Variants in CYSRT1 observed in about 807,000 individuals in gnomAD.
The protein encoded by CYSRT1 is cysteine-rich tail protein 1.
A neutral mutation model predicts 6.2 loss-of-function variants in CYSRT1; 7 were observed. The observed-to-expected ratio is 1.13, with a 90% CI of 0.64 to 2.13. The LOEUF (loss-of-function observed/expected upper bound fraction) is 2.13. CYSRT1 is among the 30% of genes most tolerant of loss of function. The pLI, the probability that CYSRT1 is intolerant of heterozygous loss-of-function variation, is 0.00. For synonymous variants in CYSRT1, 75 were observed against 83.1 expected (o/e 0.90, Z 0.53); for missense variants, 188 against 196.4 (o/e 0.96, Z 0.26).
In CYSRT1 at chr9:137,225,210, C is replaced by A; in HGVS notation, c.-32C>A. The A allele has an allele frequency of 6.5e-7, 1 of 1,550,340 alleles. No individual in the cohort carries two copies. The highest frequency in any genetic ancestry group is 8.7e-7 in the Non-Finnish European group (1 of 1,146,856). On this transcript the variant is annotated 5_prime_UTR_variant, in exon 1 of 2. Coordinates refer to ENST00000650725, the MANE Select transcript of CYSRT1 (RefSeq NM_199001.5). ...CCTAGAGCTCAGAAGACCGAGAGGA[C>A]AGACTGCCGTGTTGCCACCACAGGT...
In CYSRT1 at chr9:137,226,089, C is replaced by T; in HGVS notation, c.*33C>T. 2 of 1,535,226 alleles carry T rather than the reference C, an allele frequency of 1.3e-6. No homozygotes were observed. The highest frequency in any genetic ancestry group is 1.2e-5 in the South Asian group (1 of 83,370). On this transcript the variant is annotated 3_prime_UTR_variant, in exon 2 of 2. Transcript: ENST00000650725. ...CACCCTGCCAGGGCCAGGACCCAGACTTCAGCAAATGTGGCTCACACAGTG... is the reference window on the plus strand; with the variant it reads ...CACCCTGCCAGGGCCAGGACCCAGATTTCAGCAAATGTGGCTCACACAGTG...
At position 137,225,947 on chromosome 9, in the gene CYSRT1, G is replaced by A. The variant is rs1383886638; in HGVS notation, c.326G>A (p.Gly109Glu). ...ACCTACGCTGGCCCTCCGCCCGCGG[G>A]GCGCGGGGATGACATCGCCCACCAC... ...GLTYAGPPPA[G>E]RGDDIAHHCC... The change falls in exon 2 of 2, where the codon GGG becomes GAG. Residue 109 changes from glycine to glutamate, a missense_variant. Transcript: ENST00000650725. 6.5e-7 allele frequency: 1 copy of A among 1,547,908 alleles called. No homozygotes were observed. The highest frequency in any genetic ancestry group is 1.4e-5 in the African/African-American group (1 of 73,040).
In CYSRT1 at chr9:137,225,915, C is replaced by T. The variant is rs1835962869; in HGVS notation, c.294C>T (p.Ala98=). 15 of 1,546,030 alleles carry T rather than the reference C, an allele frequency of 9.7e-6. No homozygotes were observed. Among genetic ancestry groups the T allele is most frequent in the Middle Eastern group, 1.7e-4 (1 of 5,994 alleles). The change falls in exon 2 of 2, where the codon GCC becomes GCT. Residue 98 remains alanine, a synonymous_variant. Transcript: ENST00000650725. The part of the protein sequence containing the change: ...GNPYSSSQRQ[A]GLTYAGPPPA... ...CCTACAGCAGCAGTCAGCGCCAGGC[C>T]GGACTGACCTACGCTGGCCCTCCGC...
At position 137,225,943 on chromosome 9, in the gene CYSRT1, G is replaced by C; in HGVS notation, c.322G>C (p.Ala108Pro). 1.3e-6 allele frequency: 2 copies of C among 1,547,748 alleles called. No homozygotes were observed. Among genetic ancestry groups the C allele is most frequent in the Non-Finnish European group, 1.7e-6 (2 of 1,146,448 alleles). The change falls in exon 2 of 2, where the codon GCG becomes CCG. Residue 108 changes from alanine to proline, a missense_variant. Transcript: ENST00000650725. ...AGLTYAGPPP[A>P]GRGDDIAHHC... ...ACTGACCTACGCTGGCCCTCCGCCC[G>C]CGGGGCGCGGGGATGACATCGCCCA... is the stretch of plus-strand genomic sequence containing the variant.
In CYSRT1 at chr9:137,225,183, G is replaced by C; in HGVS notation, c.-59G>C. On this transcript the variant is annotated 5_prime_UTR_variant, in exon 1 of 2. Coordinates refer to ENST00000650725, the MANE Select transcript of CYSRT1 (RefSeq NM_199001.5). ...GCCAGTCGCTCAACTCAGGCACTGG[G>C]ACCTAGAGCTCAGAAGACCGAGAGG... 6.4e-7 allele frequency: 1 copy of C among 1,550,422 alleles called. No homozygotes were observed. The highest frequency in any genetic ancestry group is 1.2e-5 in the South Asian group (1 of 84,064).
chr9:137,225,357 G>C, intron 1 of CYSRT1, 124 bp downstream of exon 1: 1 of 1,123,102 alleles, frequency 8.9e-7, no homozygotes, highest in Non-Finnish European at 1.3e-6. Flanking sequence ...ATGCCACCAG[G>C]GGAGGGGGAG....
In CYSRT1 at chr9:137,225,240, C is replaced by T; in HGVS notation, c.-9+7C>T. 4.5e-6 allele frequency: 7 copies of T among 1,546,796 alleles called. No homozygotes were observed. The highest frequency in any genetic ancestry group is 6.1e-6 in the Non-Finnish European group (7 of 1,143,660). ...TGCCGTGTTGCCACCACAGGTAAGC[C>T]CTTGGCCGCCGGGACTGCCCTGAAC... On this transcript the variant is annotated splice_region_variant and intron_variant, in intron 1 of 1. Coordinates refer to ENST00000650725, the MANE Select transcript of CYSRT1 (RefSeq NM_199001.5).
Position 137,225,674 on chromosome 9 carries a change from C to T in CYSRT1, c.53C>T (p.Pro18Leu). The change falls in exon 2 of 2, where the codon CCC (proline) becomes CTC (leucine). Residue 18 changes from proline (P) to leucine (L), a missense_variant. By Grantham distance (98) the Pro-to-Leu change is moderately conservative. Coordinates refer to ENST00000650725, the MANE Select transcript of CYSRT1 (RefSeq NM_199001.5). The stretch of plus-strand genomic sequence containing the variant: ...AACCCATATGCCCACATCAGCATCC[C>T]CCGGGCTCACCTGCGGCCTGACCTG... ...VKNPYAHISIPRAHLRPDLGQ... is the reference protein window; with the variant it reads ...VKNPYAHISILRAHLRPDLGQ... The T allele has an allele frequency of 6.4e-7, 1 of 1,550,464 alleles. No individual in the cohort carries two copies.
rs1835957780 is a variant in CYSRT1 at position 137,225,766 on chromosome 9, C to T, written c.145C>T (p.Pro49Ser). The change falls in exon 2 of 2, where the codon CCC becomes TCC. Residue 49 changes from proline (P) to serine (S), a missense_variant. By Grantham distance (74) the Pro-to-Ser change is moderately conservative (BLOSUM62 -1). Coordinates refer to ENST00000650725, the MANE Select transcript of CYSRT1 (RefSeq NM_199001.5). Reference protein sequence around the residue: ...SSEMQPLPVGPCAPEPTHLLQ... With the variant: ...SSEMQPLPVGSCAPEPTHLLQ... ...GGAGATGCAGCCCCTGCCAGTGGGG[C>T]CCTGTGCCCCAGAGCCAACCCACCT... The T allele has an allele frequency of 1.3e-6, 2 of 1,549,810 alleles. No homozygotes were observed. Among genetic ancestry groups the T allele is most frequent in the African/African-American group, 1.4e-5 (1 of 72,998 alleles).
chr9:137,226,203 GT>G lies in CYSRT1; in HGVS notation c.*148del, dbSNP rs1835973429. 1.4e-6 allele frequency: 2 copies of G among 1,419,444 alleles called. No homozygotes were observed. The highest frequency in any genetic ancestry group is 5.2e-5 in the East Asian group (2 of 38,674). The allele number at this position is 1,419,444 out of a possible 1,614,324, so 87.9% of individuals were successfully genotyped here. ...ACTGGGGCTCAGACCCACCAGGAAG[GT>G]GGCCGTTCAGCCCGAGCTCCTGAAA... On this transcript the variant is annotated 3_prime_UTR_variant, in exon 2 of 2. Coordinates refer to ENST00000650725, the MANE Select transcript of CYSRT1 (RefSeq NM_199001.5).
At position 137,225,919 on chromosome 9, in the gene CYSRT1, C is replaced by A; in HGVS notation, c.298C>A (p.Leu100Met). 2.6e-6 allele frequency: 4 copies of A among 1,546,320 alleles called. No homozygotes were observed. Among genetic ancestry groups the A allele is most frequent in the Non-Finnish European group, 3.5e-6 (4 of 1,146,448 alleles). The change falls in exon 2 of 2, where the codon CTG becomes ATG. Residue 100 changes from leucine (L) to methionine (M), a missense_variant. By Grantham distance (15) the Leu-to-Met change is conservative. Coordinates refer to ENST00000650725, the MANE Select transcript of CYSRT1 (RefSeq NM_199001.5). The part of the protein sequence containing the change: ...PYSSSQRQAG[L>M]TYAGPPPAGR... ...CAGCAGCAGTCAGCGCCAGGCCGGA[C>A]TGACCTACGCTGGCCCTCCGCCCGC... is the stretch of plus-strand genomic sequence containing the variant.
rs1338396367 is a variant in CYSRT1 at position 137,225,278 on chromosome 9, C to A, written c.-9+45C>A. On this transcript the variant is annotated intron_variant, in intron 1 of 1. Coordinates refer to ENST00000650725, the MANE Select transcript of CYSRT1 (RefSeq NM_199001.5). The stretch of plus-strand genomic sequence containing the variant: ...GACTGCCCTGAACTCAGGGGCACTG[C>A]AGGGTCAGCCCCCTTCTCTCCCATC... The A allele has an allele frequency of 3.5e-6, 5 of 1,436,544 alleles. No homozygotes were observed. The African/African-American group carries it at 7.1e-5, about 20-fold the overall frequency. The allele number at this position is 1,436,544 out of a possible 1,614,324, so 89.0% of individuals were successfully genotyped here.
At chr9:137,225,566 A>G (rs1406331820) in intron 1 of CYSRT1, 48 bp from the exon 2 acceptor site, 4 of 1,498,716 alleles carry the variant, frequency 2.7e-6, no homozygotes, top group Non-Finnish European at 3.6e-6. Flanking sequence ...GTGGGCAGCC[A>G]TCCCACTCCA....
At position 137,226,146 on chromosome 9, in the gene CYSRT1, T is replaced by C; in HGVS notation, c.*90T>C. On this transcript the variant is annotated 3_prime_UTR_variant, in exon 2 of 2. Coordinates refer to ENST00000650725, the MANE Select transcript of CYSRT1 (RefSeq NM_199001.5). ...CATGCCGGGACATGCGGGGTGGCTGTTGTCATGGGCGTCTGCCCCTTCACA... is the reference window on the plus strand; with the variant it reads ...CATGCCGGGACATGCGGGGTGGCTGCTGTCATGGGCGTCTGCCCCTTCACA... The C allele has an allele frequency of 1.3e-6, 2 of 1,489,084 alleles. No homozygotes were observed. The highest frequency in any genetic ancestry group is 1.8e-6 in the Non-Finnish European group (2 of 1,109,232). 92.2% of individuals were successfully genotyped at this position (1,489,084 alleles called of 1,614,324 possible). A position where few individuals can be genotyped will look rare whatever the true frequency, so the allele number is the denominator to read the frequency against.
In CYSRT1 at chr9:137,226,071, C is replaced by T. The variant is rs1177219478; in HGVS notation, c.*15C>T. 6.5e-7 allele frequency: 1 copy of T among 1,542,790 alleles called. No individual in the cohort carries two copies. Among genetic ancestry groups the T allele is most frequent in the Non-Finnish European group, 8.8e-7 (1 of 1,142,432 alleles). Reference sequence around the variant, plus strand: ...TCATCTCCTAGCCCAGCCCACCCTGCCAGGGCCAGGACCCAGACTTCAGCA... The same window carrying T: ...TCATCTCCTAGCCCAGCCCACCCTGTCAGGGCCAGGACCCAGACTTCAGCA... On this transcript the variant is annotated 3_prime_UTR_variant, in exon 2 of 2. Coordinates refer to ENST00000650725, the MANE Select transcript of CYSRT1 (RefSeq NM_199001.5).
chr9:137,225,787 C>T lies in CYSRT1; in HGVS notation c.166C>T (p.His56Tyr), dbSNP rs1564410047. 8 of 1,549,750 alleles carry T rather than the reference C, an allele frequency of 5.2e-6. No homozygotes were observed. Among genetic ancestry groups the T allele is most frequent in the Admixed American group, 2.0e-5 (1 of 50,972 alleles). ...GGGGCCCTGTGCCCCAGAGCCAACC[C>T]ACCTCTTGCAGCCGACCGAGGTCCC... ...PVGPCAPEPT[H>Y]LLQPTEVPGP... Residue 56 changes from histidine to tyrosine, a missense_variant, in exon 2 of 2, where the codon CAC (histidine) becomes TAC (tyrosine). Transcript: ENST00000650725.
In CYSRT1 at chr9:137,225,177, C is replaced by T; in HGVS notation, c.-65C>T. The T allele has an allele frequency of 1.3e-6, 2 of 1,550,470 alleles. No individual in the cohort carries two copies. Among genetic ancestry groups the T allele is most frequent in the Non-Finnish European group, 1.7e-6 (2 of 1,146,956 alleles). ...GCGGCTGCCAGTCGCTCAACTCAGGCACTGGGACCTAGAGCTCAGAAGACC... is the reference window on the plus strand; with the variant it reads ...GCGGCTGCCAGTCGCTCAACTCAGGTACTGGGACCTAGAGCTCAGAAGACC... On this transcript the variant is annotated 5_prime_UTR_variant, in exon 1 of 2. Transcript: ENST00000650725.
At chr9:137,225,566 A>C (rs1406331820) in intron 1 of CYSRT1, 48 bp from the exon 2 acceptor site, 1 of 1,498,716 alleles carries the variant, frequency 6.7e-7, no homozygotes, top group South Asian at 1.3e-5. Flanking sequence ...GTGGGCAGCC[A>C]TCCCACTCCA....
chr9:137,225,287 C>T, intron 1 of CYSRT1, 54 bp downstream of exon 1: 1 of 1,395,976 alleles, frequency 7.2e-7, no homozygotes, highest in South Asian at 1.2e-5. Flanking sequence ...GCAGGGTCAG[C>T]CCCCTTCTCT....
Sources: allele counts gnomAD v4.1 joint callset, GRCh38; gene constraint gnomAD v4.1.1; transcripts MANE v1.5; gene names NCBI Gene and HGNC (gene_info 2026-07-23, HGNC 2026-07-21).